Variants in CHD8 observed in about 807,000 individuals in gnomAD.
CHD8 encodes chromodomain helicase DNA binding protein 8.
CHD8 carries 31 observed loss-of-function variants against 279.2 expected under a neutral mutation model. That is an observed-to-expected ratio of 0.11 (90% CI 0.08 to 0.15). CHD8 has a LOEUF of 0.15. CHD8 is among the 10% of genes least tolerant of loss of function. The pLI is 1.00. For missense variants in CHD8, 2,146 were observed against 3,230.5 expected (o/e 0.66, Z 8.14); for synonymous variants, 1,081 against 1,139.6 (o/e 0.95, Z 1.04).
chr14:21,414,447 G>T, intron 8 of CHD8, 29 bp from the exon 9 acceptor site: 1 of 1,236,256 alleles, frequency 8.1e-7, no homozygotes, highest in Non-Finnish European at 1.2e-6. Flanking sequence ...TCCAGTCATG[G>T]TGCAAGTAAA....
Position 21,394,077 on chromosome 14 carries a change from CA to C in CHD8, c.5717del (p.Leu1906TrpfsTer29). ...GCTGACACAATGCCAGCCGATCTTC[CA>C]AAAGGGGGTGGCATAAAACTTGTTC... ...LREQVLCHPL[L>X]EDRLALCQPP... On this transcript the variant is annotated frameshift_variant, in exon 32 of 38. Coordinates refer to ENST00000646647, the MANE Select transcript of CHD8 (RefSeq NM_001170629.2). LOFTEE classifies it high-confidence loss of function. The C allele has an allele frequency of 6.2e-7, 1 of 1,613,884 alleles. No individual in the cohort carries two copies.
chr14:21,391,772 C>T, intron 35 of CHD8, 61 bp downstream of exon 35: 1 of 1,529,706 alleles, frequency 6.5e-7, no homozygotes. Flanking sequence ...CTGCCTTCAT[C>T]AATTATTGGG....
chr14:21,426,436 A>G, intron 4 of CHD8, 194 bp from the exon 5 acceptor site: 5 of 522,046 alleles, frequency 9.6e-6, no homozygotes, highest in South Asian at 8.3e-5. Flanking sequence ...CCACTGACTG[A>G]CCCTTATACC....
Position 21,391,535 on chromosome 14 carries a change from G to A in CHD8, c.6993C>T (p.Ala2331=), listed in dbSNP as rs540742254. 6.2e-7 allele frequency: 1 copy of A among 1,613,804 alleles called. No homozygotes were observed. The highest frequency in any genetic ancestry group is 2.2e-5 in the East Asian group (1 of 44,882). The change falls in exon 36 of 38, where the codon GCC becomes GCT. Residue 2331 remains alanine (A), a synonymous_variant. Coordinates refer to ENST00000646647, the MANE Select transcript of CHD8 (RefSeq NM_001170629.2). The stretch of plus-strand genomic sequence containing the variant: ...ACATCTCCAGTTCAGCCCGGCGAGG[G>A]GCATCCTCACCCACCAGCAAAGTAC... ...VDGTLLVGED[A]PRRAELEMWL...
chr14:21,438,529 A>AAG (rs1383655405), intron 1 of CHD8, among the ~76,000 whole-genome samples: 2 of 149,214 alleles, frequency 1.3e-5, no homozygotes, highest in East Asian at 3.9e-4. Flanking sequence ...AAAAAAAAAA[A>AAG]AAGAAAGAAA....
chr14:21,403,181 T>C lies in CHD8; in HGVS notation c.3550A>G (p.Arg1184Gly). The change falls in exon 18 of 38, where the codon AGA becomes GGA. Residue 1184 changes from arginine to glycine, a missense_variant. Arg to Gly is a moderately radical substitution (Grantham distance 125, BLOSUM62 -2). This residue lies in a region of CHD8 where 48 missense variants were observed against 135.7 expected (regional missense o/e 0.35). Transcript: ENST00000646647. This position sits in a 1 kb window ranked among gnomAD's most constrained non-coding sequence, Gnocchi z 4.3. ...YLYERIDGRV[R>G]GNLRQAAIDR... Reference sequence around the variant, plus strand: ...ATGGCAGCCTGTCGAAGGTTGCCTCTAACTCGCCCATCAATACGTTCATAT... The same window carrying C: ...ATGGCAGCCTGTCGAAGGTTGCCTCCAACTCGCCCATCAATACGTTCATAT... 1 of 1,613,936 alleles carries C rather than the reference T, an allele frequency of 6.2e-7. No individual in the cohort carries two copies. Among genetic ancestry groups the C allele is most frequent in the Non-Finnish European group, 8.5e-7 (1 of 1,179,870 alleles).
intron 1 of CHD8, among the ~76,000 whole-genome samples, chr14:21,449,307 T>C (rs558468789): frequency 1.3e-3 from 204 of 152,262 alleles, no homozygotes; most frequent in African/African-American, 4.6e-3. Context: ...CCCTGTAAAA[T>C]GAAACTAGCA....
intron 10 of CHD8, among the ~76,000 whole-genome samples, chr14:21,411,481 G>C (rs1450533820): frequency 6.6e-6 from 1 of 152,108 alleles, no homozygotes; most frequent in Non-Finnish European, 1.5e-5. Context: ...ATGATGTATG[G>C]GAGGATCAAG....
At chr14:21,454,264 T>C (rs1295428776) in intron 1 of CHD8, among the ~76,000 whole-genome samples, 12 of 151,348 alleles carry the variant, frequency 7.9e-5, no homozygotes, top group Admixed American at 7.2e-4. Flanking sequence ...AGATCAAACA[T>C]GGAGAATACA....
rs113214324 is a variant in CHD8 at position 21,414,424 on chromosome 14, G to A, written c.2025-6C>T. ...ATTCACAATGCAGATAGGAGCTAAG[G>A]GGGATGGAAAAATCCAGTCATGGTG... On this transcript the variant is annotated splice_region_variant and splice_polypyrimidine_tract_variant and intron_variant, in intron 8 of 37. Coordinates refer to ENST00000646647, the MANE Select transcript of CHD8 (RefSeq NM_001170629.2). The A allele has an allele frequency of 1.7e-5, 24 of 1,437,160 alleles. No individual in the cohort carries two copies. In the African/African-American group the frequency reaches 2.5e-4, roughly 15 times the overall value. 89.0% of individuals were successfully genotyped at this position (1,437,160 alleles called of 1,614,324 possible). A position where few individuals can be genotyped will look rare whatever the true frequency, so the allele number is the denominator to read the frequency against.
At chr14:21,450,339 T>A (rs1428333769) in intron 1 of CHD8, among the ~76,000 whole-genome samples, 1 of 152,190 alleles carries the variant, frequency 6.6e-6, no homozygotes, top group Non-Finnish European at 1.5e-5. Context: ...ATCACTAATA[T>A]GACAATGTAC....
At chr14:21,443,855 CAAAAAA>C (rs369671712) in intron 1 of CHD8, among the ~76,000 whole-genome samples, 1 of 47,224 alleles carries the variant, frequency 2.1e-5, no homozygotes, top group Admixed American at 2.2e-4. Flanking sequence ...GACTCCGTCT[CAAAAAA>C]AAAAAAAAAA....
At position 21,386,065 on chromosome 14, in the gene CHD8, G is replaced by C. The variant is rs747548129; in HGVS notation, c.7294C>G (p.Leu2432Val). ...MRPDLSKMMA[L>V]MQGGSTGSLS... Reference sequence around the variant, plus strand: ...GACCCAGTGCTTCCACCCTGCATGAGGGCCATCATCTTAGAAAGGTCTGGT... The same window carrying C: ...GACCCAGTGCTTCCACCCTGCATGACGGCCATCATCTTAGAAAGGTCTGGT... Residue 2432 changes from leucine to valine, a missense_variant, in exon 38 of 38, where the codon CTC becomes GTC. By Grantham distance (32) the Leu-to-Val change is conservative. Coordinates refer to ENST00000646647, the MANE Select transcript of CHD8 (RefSeq NM_001170629.2). The C allele has an allele frequency of 6.3e-7, 1 of 1,587,186 alleles. No individual in the cohort carries two copies. The highest frequency in any genetic ancestry group is 1.2e-5 in the South Asian group (1 of 86,534).
intron 1 of CHD8, among the ~76,000 whole-genome samples, chr14:21,440,227 GAT>G (rs1215497250): frequency 1.8e-4 from 28 of 152,010 alleles, no homozygotes; most frequent in African/African-American, 6.5e-4. Context: ...TTTTTCTTGA[GAT>G]GGAGTCTCAC....
chr14:21,431,421 G>A lies in CHD8; in HGVS notation c.223C>T (p.Pro75Ser). ...ELVPPPEETAPTELSKESTAP... is the reference protein window; with the variant it reads ...ELVPPPEETASTELSKESTAP... ...GTGGATTCTTTGGAAAGTTCTGTGG[G>A]AGCTGTTTCCTCTGGTGGAGGGACC... Residue 75 changes from proline (P) to serine (S), a missense_variant, in exon 2 of 38, where the codon CCC becomes TCC. This residue lies in a region of CHD8 where 302 missense variants were observed against 325.5 expected (regional missense o/e 0.93). Transcript: ENST00000646647. 1 of 1,537,238 alleles carries A rather than the reference G, an allele frequency of 6.5e-7. No individual in the cohort carries two copies. The highest frequency in any genetic ancestry group is 1.2e-5 in the South Asian group (1 of 84,056).
intron 29 of CHD8, 40 bp downstream of exon 29, chr14:21,395,258 C>A: frequency 6.4e-7 from 1 of 1,552,950 alleles, no homozygotes; most frequent in East Asian, 2.3e-5. Context: ...CCCAACCCAC[C>A]ACCCCACACA....
At position 21,408,246 on chromosome 14, in the gene CHD8, C is replaced by A. The variant is rs1888336413; in HGVS notation, c.2730+66G>T. 2 of 1,566,334 alleles carry A rather than the reference C, an allele frequency of 1.3e-6. No homozygotes were observed. ...AAAAGTCTTCTATTCATATATAGCC[C>A]TTAAAATACCAGGTACCTTGGCCGA... On this transcript the variant is annotated intron_variant, in intron 13 of 37. Coordinates refer to ENST00000646647, the MANE Select transcript of CHD8 (RefSeq NM_001170629.2). This position sits in a 1 kb window ranked among gnomAD's most constrained non-coding sequence, Gnocchi z 4.3.
At chr14:21,412,197 G>C (rs527802379) in intron 10 of CHD8, among the ~76,000 whole-genome samples, 5 of 152,122 alleles carry the variant, frequency 3.3e-5, no homozygotes, top group Non-Finnish European at 5.9e-5. Context: ...CAGGAATGGA[G>C]TGCAATGGCA....
chr14:21,444,347 G>T (rs969012892), intron 1 of CHD8, among the ~76,000 whole-genome samples: 1 of 152,132 alleles, frequency 6.6e-6, no homozygotes, highest in South Asian at 2.1e-4. Context: ...CAGATTAATG[G>T]CCTCCAAAAT....
Sources: allele counts gnomAD v4.1 joint callset (sites outside exome capture counted in the v4.1 genomes callset), GRCh38; gene constraint gnomAD v4.1.1; regional missense constraint gnomAD v4.1.1; non-coding constraint Gnocchi (gnomAD v3.1); transcripts MANE v1.5; gene names NCBI Gene and HGNC (gene_info 2026-07-23, HGNC 2026-07-21).